SLC17A8: variants seen among roughly 807,000 people sequenced by gnomAD.
The protein encoded by SLC17A8 is solute carrier family 17 member 8.
SLC17A8 carries 31 observed loss-of-function variants against 58.0 expected under a neutral mutation model. That is an observed-to-expected ratio of 0.53 (90% CI 0.40 to 0.72). SLC17A8 has a LOEUF of 0.72. Among genes scored for constraint, SLC17A8 ranks in the 30% least tolerant of loss-of-function variants. SLC17A8 has a pLI of 0.00. For missense variants in SLC17A8, 655 were observed against 727.8 expected (o/e 0.90, Z 1.15); for synonymous variants, 228 against 249.0 (o/e 0.92, Z 0.79).
At chr12:100,366,831 C>A (rs1952523767) in intron 1 of SLC17A8, among the ~76,000 whole-genome samples, 1 of 152,302 alleles carries the variant, frequency 6.6e-6, no homozygotes, top group South Asian at 2.1e-4. Flanking sequence ...TTCCTTGGAG[C>A]ACCATGTTCT....
chr12:100,365,904 A>G (rs977004110), intron 1 of SLC17A8, among the ~76,000 whole-genome samples: 1 of 152,144 alleles, frequency 6.6e-6, no homozygotes, highest in African/African-American at 2.4e-5. Context: ...CAATCCACGG[A>G]TATATACTGT....
chr12:100,410,079 G>A (rs1054774388), intron 9 of SLC17A8, among the ~76,000 whole-genome samples: 1 of 152,238 alleles, frequency 6.6e-6, no homozygotes, highest in African/African-American at 2.4e-5. Flanking sequence ...GCTTATTGTG[G>A]CTGAGCATGG....
At chr12:100,365,012 G>T (rs186591641) in intron 1 of SLC17A8, among the ~76,000 whole-genome samples, 1 of 152,170 alleles carries the variant, frequency 6.6e-6, no homozygotes, top group African/African-American at 2.4e-5. Context: ...TGAGCTCATG[G>T]AGAGGCATTG....
intron 2 of SLC17A8, among the ~76,000 whole-genome samples, chr12:100,386,705 T>TTC (rs2135991266): frequency 6.6e-6 from 1 of 151,828 alleles, no homozygotes; most frequent in African/African-American, 2.4e-5. Flanking sequence ...TTTTTTTTTT[T>TTC]TGAGATGGGG....
At chr12:100,365,159 A>G (rs907646404) in intron 1 of SLC17A8, among the ~76,000 whole-genome samples, 9 of 152,208 alleles carry the variant, frequency 5.9e-5, no homozygotes, top group African/African-American at 2.2e-4. Context: ...CAGGTCTGAT[A>G]GAACCTAGCT....
chr12:100,362,099 G>T (rs896136536), intron 1 of SLC17A8, among the ~76,000 whole-genome samples: 7 of 152,206 alleles, frequency 4.6e-5, no homozygotes, highest in African/African-American at 1.7e-4. Context: ...TGGGGCAAGT[G>T]GGGCAGCCTT....
At chr12:100,360,596 A>G (rs1389089285) in intron 1 of SLC17A8, among the ~76,000 whole-genome samples, 1 of 152,178 alleles carries the variant, frequency 6.6e-6, no homozygotes. Context: ...CACAGCATCT[A>G]GCAATAATTT....
intron 1 of SLC17A8, among the ~76,000 whole-genome samples, chr12:100,374,711 G>A (rs1000935404): frequency 6.6e-6 from 1 of 152,188 alleles, no homozygotes; most frequent in African/African-American, 2.4e-5. Flanking sequence ...TTTTGCCACA[G>A]CAATATTATG....
chr12:100,360,850 T>A (rs536145863), intron 1 of SLC17A8, among the ~76,000 whole-genome samples: 1 of 152,352 alleles, frequency 6.6e-6, no homozygotes, highest in South Asian at 2.1e-4. Flanking sequence ...CTGGATCTGC[T>A]GTCAAGTGTG....
At chr12:100,395,076 G>T (rs745992665) in intron 4 of SLC17A8, among the ~76,000 whole-genome samples, 48 of 152,030 alleles carry the variant, frequency 3.2e-4, no homozygotes, top group Non-Finnish European at 6.6e-4. Flanking sequence ...CTCAGGTTCT[G>T]TATCTTGAAA....
chr12:100,404,547 G>A (rs1952813552), intron 9 of SLC17A8, among the ~76,000 whole-genome samples: 1 of 122,038 alleles, frequency 8.2e-6, no homozygotes, highest in Admixed American at 8.2e-5. Flanking sequence ...TCTCTTTCTT[G>A]ATTTTATTTA....
chr12:100,410,892 C>A (rs1952862922), intron 9 of SLC17A8, among the ~76,000 whole-genome samples: 1 of 152,114 alleles, frequency 6.6e-6, no homozygotes, highest in South Asian at 2.1e-4. Flanking sequence ...TGCCCATGTG[C>A]CACACTCAGT....
Position 100,402,454 on chromosome 12 carries a change from A to G in SLC17A8, c.878A>G (p.Glu293Gly), listed in dbSNP as rs771479939. Residue 293 changes from glutamate to glycine, a missense_variant, in exon 7 of 12, where the codon GAG becomes GGG. Transcript: ENST00000323346. Reference protein sequence around the residue: ...EKTYIETSIGEGANVVSLSKF... With the variant: ...EKTYIETSIGGGANVVSLSKF... ...ACCTATATAGAGACAAGCATAGGAGAGGGGGCCAACGTGGTTAGTCTAAGT... is the reference window on the plus strand; with the variant it reads ...ACCTATATAGAGACAAGCATAGGAGGGGGGGCCAACGTGGTTAGTCTAAGT... 1 of 1,614,130 alleles carries G rather than the reference A, an allele frequency of 6.2e-7. No homozygotes were observed. Among genetic ancestry groups the G allele is most frequent in the Non-Finnish European group, 8.5e-7 (1 of 1,180,020 alleles).
chr12:100,408,912 T>C (rs888953225), intron 9 of SLC17A8, among the ~76,000 whole-genome samples: 1 of 152,230 alleles, frequency 6.6e-6, no homozygotes, highest in Non-Finnish European at 1.5e-5. Flanking sequence ...AGCAATGATA[T>C]AAAGCCTATA....
chr12:100,406,283 C>T (rs1322501908), intron 9 of SLC17A8, among the ~76,000 whole-genome samples: 4 of 152,260 alleles, frequency 2.6e-5, no homozygotes, highest in African/African-American at 9.6e-5. Flanking sequence ...TCATGTGGTG[C>T]CTTATTGCAG....
At chr12:100,389,429 T>C (rs375544285) in intron 2 of SLC17A8, among the ~76,000 whole-genome samples, 2 of 152,306 alleles carry the variant, frequency 1.3e-5, no homozygotes, top group East Asian at 1.9e-4. Context: ...TAATTCTCTT[T>C]GTGCTATCAC....
intron 9 of SLC17A8, among the ~76,000 whole-genome samples, chr12:100,404,991 CT>C (rs1952817089): frequency 6.6e-6 from 1 of 152,206 alleles, no homozygotes; most frequent in African/African-American, 2.4e-5. Context: ...TGGGCAAGAG[CT>C]CACAACTGTG....
chr12:100,362,079 G>GTC (rs1054994927), intron 1 of SLC17A8, among the ~76,000 whole-genome samples: 65 of 152,356 alleles, frequency 4.3e-4, no homozygotes, highest in African/African-American at 1.5e-3. Context: ...GATGTGCTGA[G>GTC]TCCTTCCTTT....
At chr12:100,402,522 G>A (rs1221149610) in intron 7 of SLC17A8, 43 bp downstream of exon 7, 3 of 1,612,928 alleles carry the variant, frequency 1.9e-6, no homozygotes, top group African/African-American at 1.3e-5. Context: ...TTTTTCATAA[G>A]TGATTGTGTT....
Sources: gnomAD v4.1 joint callset for allele counts (sites outside exome capture counted in the v4.1 genomes callset) on GRCh38, gnomAD v4.1.1 for gene constraint, MANE v1.5 for transcripts, NCBI Gene and HGNC (gene_info 2026-07-23, HGNC 2026-07-21) for gene names.